ADGRA2: variants seen among roughly 807,000 people sequenced by gnomAD.
ADGRA2 encodes G-protein coupled receptor 124.
In ADGRA2, 61 loss-of-function variants were observed where a neutral mutation model predicts 98.7. The ratio of observed to expected loss-of-function variants is 0.62; its 90% CI spans 0.50 to 0.76. ADGRA2 has a LOEUF of 0.76. Among genes scored for constraint, ADGRA2 ranks in the 30% least tolerant of loss-of-function variants. The pLI, the probability that ADGRA2 is intolerant of heterozygous loss-of-function variation, is 0.00. For missense variants in ADGRA2, 1,712 were observed against 1,860.0 expected, an observed-to-expected ratio of 0.92 and a Z score of 1.46; for synonymous variants, 858 against 831.5, an observed-to-expected ratio of 1.03 and a Z score of -0.55.
At chr8:37,798,698 T>A (rs1804414469) in intron 1 of ADGRA2, among the ~76,000 whole-genome samples, 1 of 152,252 alleles carries the variant, frequency 6.6e-6, no homozygotes, top group Non-Finnish European at 1.5e-5. Flanking sequence ...TGGCCCAGTC[T>A]TTTCGATTGT....
At chr8:37,810,888 G>A (rs899543657) in intron 1 of ADGRA2, among the ~76,000 whole-genome samples, 4 of 152,090 alleles carry the variant, frequency 2.6e-5, no homozygotes, top group East Asian at 2.0e-4. Context: ...AGGCCGAGGC[G>A]AGTGGATCAT....
At chr8:37,817,902 A>G (rs1341222072) in intron 2 of ADGRA2, among the ~76,000 whole-genome samples, 2 of 152,264 alleles carry the variant, frequency 1.3e-5, no homozygotes, top group African/African-American at 4.8e-5. Context: ...CTGTAATCTC[A>G]GCTACTTGGG....
intron 1 of ADGRA2, among the ~76,000 whole-genome samples, chr8:37,806,744 G>T (rs1804681849): frequency 6.6e-6 from 1 of 151,860 alleles, no homozygotes; most frequent in African/African-American, 2.4e-5. Context: ...TGGCCAGGCT[G>T]GTCTCGAACT....
intron 1 of ADGRA2, among the ~76,000 whole-genome samples, chr8:37,798,889 C>T (rs544836164): frequency 6.6e-6 from 1 of 152,298 alleles, no homozygotes; most frequent in Non-Finnish European, 1.5e-5. Flanking sequence ...GCTGCCGCCT[C>T]CCTGCTGCTC....
chr8:37,839,997 TGG>T (rs1805741734), intron 16 of ADGRA2, 122 bp from the exon 17 acceptor site: 2 of 854,880 alleles, frequency 2.3e-6, no homozygotes, highest in Non-Finnish European at 3.6e-6. Flanking sequence ...GGGAGTGGGC[TGG>T]GTAAAGTAAA....
rs201459633 is a variant in ADGRA2 at position 37,835,166 on chromosome 8, G to A, written c.1609-8G>A. Reference sequence around the variant, plus strand: ...CAAATGGTGGGATGACAAGGTCCCTGTCCCCAGAATGCGAGGAACGTGGCA... The same window carrying A: ...CAAATGGTGGGATGACAAGGTCCCTATCCCCAGAATGCGAGGAACGTGGCA... On this transcript the variant is annotated splice_region_variant and splice_polypyrimidine_tract_variant and intron_variant, in intron 11 of 18. Coordinates refer to ENST00000412232, the MANE Select transcript of ADGRA2 (RefSeq NM_032777.10). The A allele has an allele frequency of 1.3e-4, 211 of 1,608,406 alleles. 1 individual carries two copies. Among genetic ancestry groups the A allele is most frequent in the African/African-American group, 1.1e-3 (81 of 74,914 alleles).
At chr8:37,823,882 T>C (rs1025599524) in intron 2 of ADGRA2, among the ~76,000 whole-genome samples, 2 of 152,200 alleles carry the variant, frequency 1.3e-5, no homozygotes, top group African/African-American at 4.8e-5. Flanking sequence ...CCTTTGCCCA[T>C]TTTTTTCAAC....
rs1365799109 is a variant in ADGRA2 at position 37,814,255 on chromosome 8, G to GGC, written c.267-638_267-637dup. 1.3e-5 allele frequency among the ~76,000 whole-genome samples: 2 copies of GGC among 152,140 alleles called. No homozygotes were observed. Among genetic ancestry groups the GGC allele is most frequent in the African/African-American group, 4.8e-5 (2 of 41,434 alleles). ...AACGAATAAATAAACAGAACCCCGAGGCGCAGAGGCTGAGGCTGAGGCCTG... is the reference window on the plus strand; with the variant it reads ...AACGAATAAATAAACAGAACCCCGAGGCGCGCAGAGGCTGAGGCTGAGGCCTG... On this transcript the variant is annotated intron_variant, in intron 1 of 18. Transcript: ENST00000412232. This position sits in a 1 kb window ranked among gnomAD's most constrained non-coding sequence, Gnocchi z 4.3.
chr8:37,823,993 T>G (rs936210004), intron 2 of ADGRA2, among the ~76,000 whole-genome samples: 3 of 152,128 alleles, frequency 2.0e-5, no homozygotes, highest in Non-Finnish European at 4.4e-5. Context: ...TCTCTCATTC[T>G]GTGGTTCTCT....
At chr8:37,815,892 T>C (rs1804964772) in intron 2 of ADGRA2, among the ~76,000 whole-genome samples, 1 of 152,176 alleles carries the variant, frequency 6.6e-6, no homozygotes, top group African/African-American at 2.4e-5. Context: ...CCACCTCTCC[T>C]AGAGCCTGAC....
chr8:37,806,591 A>G (rs1475100923), intron 1 of ADGRA2, among the ~76,000 whole-genome samples: 3 of 138,676 alleles, frequency 2.2e-5, no homozygotes, highest in Non-Finnish European at 3.0e-5. Context: ...GTGCAGTGGC[A>G]CGATCTTGGC....
chr8:37,836,827 G>A (rs1291530373), intron 13 of ADGRA2, among the ~76,000 whole-genome samples: 1 of 152,190 alleles, frequency 6.6e-6, no homozygotes, highest in Non-Finnish European at 1.5e-5. Context: ...TGCCCAGCCA[G>A]AAGGCACTGC....
Position 37,835,281 on chromosome 8 carries a change from G to A in ADGRA2, c.1716G>A (p.Arg572=), listed in dbSNP as rs893086431. Residue 572 remains arginine (R), a synonymous_variant, in exon 12 of 19, where the codon CGG becomes CGA. Coordinates refer to ENST00000412232, the MANE Select transcript of ADGRA2 (RefSeq NM_032777.10). ...GGGAGGGAGGGGTGCCGGGCACACG[G>A]CCAGGAAGCCCTGGCCAGAACCCCC... is the stretch of plus-strand genomic sequence containing the variant. ...QRREGGVPGT[R]PGSPGQNPPP... is the part of the protein sequence containing the mutation. 12 of 1,613,664 alleles carry A rather than the reference G, an allele frequency of 7.4e-6. No homozygotes were observed. In the Admixed American group the frequency reaches 8.3e-5, roughly 11 times the overall value.
intron 1 of ADGRA2, among the ~76,000 whole-genome samples, chr8:37,813,518 T>C (rs989700084): frequency 6.6e-6 from 1 of 152,174 alleles, no homozygotes; most frequent in Non-Finnish European, 1.5e-5. Context: ...TGTGTGTGTT[T>C]GTGTGTGTGT....
At chr8:37,827,272 A>G (rs1585393713) in intron 2 of ADGRA2, among the ~76,000 whole-genome samples, 1 of 152,218 alleles carries the variant, frequency 6.6e-6, no homozygotes, top group Admixed American at 6.5e-5. Context: ...TGTGCAGGGC[A>G]CAGAGGACAG....
In ADGRA2 at chr8:37,841,817, A is replaced by C; in HGVS notation, c.3479A>C (p.Glu1160Ala). ...GAAAGGEGEP[E>A]PAGTRGNLAH... ...GCGGCCGGCGGGGAAGGAGAGCCGGAGCCGGCGGGCACCCGGGGAAACCTC... is the reference window on the plus strand; with the variant it reads ...GCGGCCGGCGGGGAAGGAGAGCCGGCGCCGGCGGGCACCCGGGGAAACCTC... The change falls in exon 19 of 19, where the codon GAG becomes GCG. Residue 1160 changes from glutamate to alanine, a missense_variant. By Grantham distance (107) the Glu-to-Ala change is moderately radical. Coordinates refer to ENST00000412232, the MANE Select transcript of ADGRA2 (RefSeq NM_032777.10). The surrounding 1 kb of genome is among the most constrained non-coding windows in gnomAD (Gnocchi z 5.0). 6.5e-7 allele frequency: 1 copy of C among 1,530,128 alleles called. No individual in the cohort carries two copies. Among genetic ancestry groups the C allele is most frequent in the Non-Finnish European group, 8.7e-7 (1 of 1,143,916 alleles). The allele number at this position is 1,530,128 out of a possible 1,614,324, so 94.8% of individuals were successfully genotyped here. A position where few individuals can be genotyped will look rare whatever the true frequency, so the allele number is the denominator to read the frequency against.
In ADGRA2 at chr8:37,806,501, CTTTTTCTTTTTCT is replaced by C. The variant is rs1212877090; in HGVS notation, c.267-8376_267-8364del. 7.4e-4 allele frequency among the ~76,000 whole-genome samples: 88 copies of C among 119,110 alleles called. No individual in the cohort carries two copies. The East Asian group carries it at 0.017, about 23-fold the overall frequency. 78.1% of individuals were successfully genotyped at this position (119,110 alleles called of 152,430 possible). On this transcript the variant is annotated intron_variant, in intron 1 of 18. Coordinates refer to ENST00000412232, the MANE Select transcript of ADGRA2 (RefSeq NM_032777.10). ...CCTATGGGTGTGGCATTTTCTTTTT[CTTTTTCTTTTTCT>C]TTTTTCTTTTTCTTTTTTTTTTTTT...
chr8:37,840,137 A>G lies in ADGRA2; in HGVS notation c.2528A>G (p.His843Arg). The change falls in exon 17 of 19, where the codon CAC (histidine) becomes CGC (arginine). Residue 843 changes from histidine to arginine, a missense_variant. His to Arg is a conservative substitution (Grantham distance 29, BLOSUM62 0). Coordinates refer to ENST00000412232, the MANE Select transcript of ADGRA2 (RefSeq NM_032777.10). ...MVCQAVGITLHYSSLSTLLWM... is the reference protein window; with the variant it reads ...MVCQAVGITLRYSSLSTLLWM... ...ACCCCGCAGGTGGGCATCACCCTGC[A>G]CTACTCCTCCCTATCCACGCTGCTC... 6.2e-7 allele frequency: 1 copy of G among 1,604,902 alleles called. No homozygotes were observed.
At chr8:37,799,268 A>G (rs1804430747) in intron 1 of ADGRA2, among the ~76,000 whole-genome samples, 1 of 151,954 alleles carries the variant, frequency 6.6e-6, no homozygotes, top group Admixed American at 6.6e-5. Flanking sequence ...CCAGCTACTC[A>G]GGAGGCTGAG....
Sources: allele counts gnomAD v4.1 joint callset (sites outside exome capture counted in the v4.1 genomes callset), GRCh38; gene constraint gnomAD v4.1.1; non-coding constraint Gnocchi (gnomAD v3.1); transcripts MANE v1.5; gene names NCBI Gene and HGNC (gene_info 2026-07-23, HGNC 2026-07-21).